The following ARL6IP5 variants were observed in gnomAD, a reference collection of about 807,000 sequenced individuals.
ARL6IP5 encodes the protein ARF like GTPase 6 interacting protein 5, also known as PRA1 family protein 3.
ARL6IP5 carries 6 observed loss-of-function variants against 13.0 expected under a neutral mutation model. The ratio of observed to expected loss-of-function variants is 0.46; its 90% CI spans 0.25 to 0.91. The LOEUF (loss-of-function observed/expected upper bound fraction) is 0.91. Among genes scored for constraint, ARL6IP5 ranks in the 40% least tolerant of loss-of-function variants. The pLI, the probability that ARL6IP5 is intolerant of heterozygous loss-of-function variation, is 0.17. For missense variants in ARL6IP5, 208 were observed against 248.8 expected (o/e 0.84, Z 1.10); for synonymous variants, 91 against 91.9 (o/e 0.99, Z 0.06).
At chr3:69,101,527 C>T (rs1187487435) in intron 1 of ARL6IP5, among the ~76,000 whole-genome samples, 1 of 151,472 alleles carries the variant, frequency 6.6e-6, no homozygotes, top group Non-Finnish European at 1.5e-5. Context: ...TGCCATGTTG[C>T]CTGGGTTGGT....
At chr3:69,089,238 GGCA>G (rs2092257395) in intron 1 of ARL6IP5, among the ~76,000 whole-genome samples, 1 of 152,098 alleles carries the variant, frequency 6.6e-6, no homozygotes, top group Non-Finnish European at 1.5e-5. Flanking sequence ...GCAGGGTCCA[GGCA>G]TCTGTTGTTT....
At position 69,084,976 on chromosome 3, in the gene ARL6IP5, C is replaced by G; in HGVS notation, c.-72C>G. On this transcript the variant is annotated 5_prime_UTR_variant, in exon 1 of 3. Transcript: ENST00000273258. ...GACGGAGCCGCTGTCAACTCTCCAA[C>G]TCAGCTCAGCTGATCGGTTGCCGCC... 1 of 1,564,272 alleles carries G rather than the reference C, an allele frequency of 6.4e-7. No individual in the cohort carries two copies. The highest frequency in any genetic ancestry group is 2.2e-5 in the East Asian group (1 of 44,568).
chr3:69,104,820 C>G lies in ARL6IP5; in HGVS notation c.*184C>G, dbSNP rs1489691082. 1.3e-6 allele frequency: 1 copy of G among 757,298 alleles called. No homozygotes were observed. Among genetic ancestry groups the G allele is most frequent in the East Asian group, 2.7e-5 (1 of 37,518 alleles). 46.9% of individuals were successfully genotyped at this position (757,298 alleles called of 1,614,324 possible). A position where few individuals can be genotyped will look rare whatever the true frequency, so the allele number is the denominator to read the frequency against. On this transcript the variant is annotated 3_prime_UTR_variant, in exon 3 of 3. Transcript: ENST00000273258. ...TGTTTCAGAGAGAAGACCTCAGAAA[C>G]CGAAAGAAAACCACCACCCTCCTAT...
intron 1 of ARL6IP5, among the ~76,000 whole-genome samples, chr3:69,086,352 C>T (rs2092247385): frequency 6.6e-6 from 1 of 152,170 alleles, no homozygotes; most frequent in African/African-American, 2.4e-5. Context: ...GGCCCAGGGG[C>T]TCCTGGCAGT....
chr3:69,097,348 T>C (rs886238898), intron 1 of ARL6IP5, among the ~76,000 whole-genome samples: 1 of 151,148 alleles, frequency 6.6e-6, no homozygotes, highest in Non-Finnish European at 1.5e-5. Context: ...TGTTTTTTTT[T>C]TTTTTTGGAG....
At chr3:69,096,218 TAA>T (rs555609250) in intron 1 of ARL6IP5, among the ~76,000 whole-genome samples, 194 of 152,336 alleles carry the variant, frequency 1.3e-3, no homozygotes, top group Admixed American at 7.8e-3. Context: ...GGTTATGAAC[TAA>T]AACCAGTTCT....
intron 1 of ARL6IP5, among the ~76,000 whole-genome samples, chr3:69,087,892 C>T (rs994880527): frequency 6.6e-6 from 1 of 152,194 alleles, no homozygotes; most frequent in Non-Finnish European, 1.5e-5. Context: ...TAACTGTTTT[C>T]TATGCAACTA....
Position 69,097,607 on chromosome 3 carries a change from C to T in ARL6IP5, c.177-4232C>T, listed in dbSNP as rs1345615566. On this transcript the variant is annotated intron_variant, in intron 1 of 2. Transcript: ENST00000273258. Reference sequence around the variant, plus strand: ...TTTGATTCATCAGATTCTTTCCTTCCTCAGGCGTATAAGGGAATTTTTTCT... The same window carrying T: ...TTTGATTCATCAGATTCTTTCCTTCTTCAGGCGTATAAGGGAATTTTTTCT... Among the ~76,000 whole-genome samples the T allele has an allele frequency of 2.6e-5, 4 of 152,104 alleles. No homozygotes were observed. In the East Asian group the frequency reaches 7.7e-4, roughly 29 times the overall value.
At position 69,104,990 on chromosome 3, in the gene ARL6IP5, A is replaced by G. The variant is rs985815450; in HGVS notation, c.*354A>G. On this transcript the variant is annotated 3_prime_UTR_variant, in exon 3 of 3. Coordinates refer to ENST00000273258, the MANE Select transcript of ARL6IP5 (RefSeq NM_006407.4). ...TATAGGAAAAAAAAAATCATTGTAAAGTATCAAGACAATACGAGTAAATGA... is the reference window on the plus strand; with the variant it reads ...TATAGGAAAAAAAAAATCATTGTAAGGTATCAAGACAATACGAGTAAATGA... 3.0e-6 allele frequency: 2 copies of G among 665,046 alleles called. No individual in the cohort carries two copies. Among genetic ancestry groups the G allele is most frequent in the Non-Finnish European group, 5.4e-6 (2 of 371,904 alleles). The allele number at this position is 665,046 out of a possible 1,614,324, so 41.2% of individuals were successfully genotyped here. A position where few individuals can be genotyped will look rare whatever the true frequency, so the allele number is the denominator to read the frequency against.
chr3:69,085,332 G>T (rs1575856376), intron 1 of ARL6IP5, 109 bp downstream of exon 1: 1 of 1,373,006 alleles, frequency 7.3e-7, no homozygotes, highest in East Asian at 2.4e-5. Context: ...CTCAGCGCCT[G>T]CCCTGGCAAT....
At chr3:69,098,468 C>T (rs1203597912) in intron 1 of ARL6IP5, among the ~76,000 whole-genome samples, 2 of 152,096 alleles carry the variant, frequency 1.3e-5, no homozygotes, top group Non-Finnish European at 2.9e-5. Flanking sequence ...TGGTCTTGAA[C>T]TCCTGACCTC....
chr3:69,094,142 G>C (rs969978140), intron 1 of ARL6IP5, among the ~76,000 whole-genome samples: 1 of 152,198 alleles, frequency 6.6e-6, no homozygotes, highest in African/African-American at 2.4e-5. Flanking sequence ...ACCCTGAGTG[G>C]ATGGGGGTGC....
At chr3:69,098,145 C>T (rs1055772098) in intron 1 of ARL6IP5, among the ~76,000 whole-genome samples, 16 of 150,978 alleles carry the variant, frequency 1.1e-4, no homozygotes, top group Admixed American at 8.6e-4. Context: ...GGCGCAATCT[C>T]GGCTCACTGC....
At chr3:69,089,262 C>G (rs185267360) in intron 1 of ARL6IP5, among the ~76,000 whole-genome samples, 1 of 152,078 alleles carries the variant, frequency 6.6e-6, no homozygotes, top group East Asian at 1.9e-4. Context: ...TTTTCTTTTT[C>G]TCTAACTTCC....
At chr3:69,087,676 C>T (rs2092252641) in intron 1 of ARL6IP5, among the ~76,000 whole-genome samples, 1 of 152,184 alleles carries the variant, frequency 6.6e-6, no homozygotes, top group Non-Finnish European at 1.5e-5. Flanking sequence ...TGGCCCTCCT[C>T]ATTTTCCTTT....
chr3:69,093,081 C>T (rs995355429), intron 1 of ARL6IP5, among the ~76,000 whole-genome samples: 4 of 152,146 alleles, frequency 2.6e-5, no homozygotes, highest in Non-Finnish European at 5.9e-5. Flanking sequence ...TTATTTGAAG[C>T]TCCGTCACTG....
At position 69,104,447 on chromosome 3, in the gene ARL6IP5, G is replaced by A; in HGVS notation, c.395-17G>A. ...GAATTGTTGCTTTGGTGTTAACCAG[G>A]TGTCCCTTCTCTGCAGTGATGTTTA... On this transcript the variant is annotated splice_polypyrimidine_tract_variant and intron_variant, in intron 2 of 2. Coordinates refer to ENST00000273258, the MANE Select transcript of ARL6IP5 (RefSeq NM_006407.4). 2 of 1,606,882 alleles carry A rather than the reference G, an allele frequency of 1.2e-6. No individual in the cohort carries two copies. Among genetic ancestry groups the A allele is most frequent in the Non-Finnish European group, 1.7e-6 (2 of 1,175,522 alleles).
chr3:69,089,866 C>T, intron 1 of ARL6IP5: 1 of 456,634 alleles, frequency 2.2e-6, no homozygotes, highest in South Asian at 1.5e-5. Context: ...GCTGAAGTAA[C>T]TCCTCACCAT....
chr3:69,087,577 AC>A (rs1335728187), intron 1 of ARL6IP5, among the ~76,000 whole-genome samples: 1 of 152,126 alleles, frequency 6.6e-6, no homozygotes, highest in East Asian at 1.9e-4. Context: ...TCCATTTTTC[AC>A]TGTGAAGGCC....
Sources: allele counts gnomAD v4.1 joint callset (sites outside exome capture counted in the v4.1 genomes callset), GRCh38; gene constraint gnomAD v4.1.1; transcripts MANE v1.5; gene names NCBI Gene and HGNC (gene_info 2026-07-23, HGNC 2026-07-21).